The following RAG1 variants were observed in gnomAD, a reference collection of about 807,000 sequenced individuals.
The protein encoded by RAG1 is recombination activating 1.
RAG1 carries 35 observed loss-of-function variants against 62.7 expected under a neutral mutation model. The observed-to-expected ratio is 0.56, with a 90% CI of 0.43 to 0.74. The LOEUF is 0.74. Ranked by LOEUF, RAG1 falls within the 30% of genes least tolerant of loss-of-function variation. The pLI, the probability that RAG1 is intolerant of heterozygous loss-of-function variation, is 0.00. For synonymous variants in RAG1, 461 were observed against 470.3 expected (o/e 0.98, Z 0.26); for missense variants, 1,169 against 1,278.6 (o/e 0.91, Z 1.31).
intron 2 of RAG1, among the ~76,000 whole-genome samples, chr11:36,525,467 TG>T (rs1040629599): frequency 2.0e-5 from 3 of 152,192 alleles, no homozygotes; most frequent in African/African-American, 7.2e-5. Flanking sequence ...GTTAGATTTG[TG>T]TATTAATTTG....
chr11:36,560,306 G>T (rs1850564402), intron 3 of RAG1, among the ~76,000 whole-genome samples: 1 of 152,118 alleles, frequency 6.6e-6, no homozygotes, highest in Admixed American at 6.5e-5. Flanking sequence ...GGTAATGGGG[G>T]CATGCATGGC....
In RAG1 at chr11:36,516,524, G is replaced by A. The variant is rs186916588; in HGVS notation, n.331-3608G>A. Among the ~76,000 whole-genome samples, 84 of 152,260 alleles carry A rather than the reference G, an allele frequency of 5.5e-4. 1 individual carries two copies. The highest frequency in any genetic ancestry group is 1.9e-3 in the African/African-American group (78 of 41,560). On this transcript the variant is annotated intron_variant and non_coding_transcript_variant, in intron 1 of 2. Transcript: ENST00000529126. ...TTTTTAGTAGAGACGGAGTTTCACC[G>A]TGTTAGCCAGGATGGTCTCGATCTC... is the stretch of plus-strand genomic sequence containing the variant.
At chr11:36,524,207 G>A (rs1296641076) in intron 2 of RAG1, among the ~76,000 whole-genome samples, 1 of 151,962 alleles carries the variant, frequency 6.6e-6, no homozygotes, top group Non-Finnish European at 1.5e-5. Context: ...TGGAGGAGGG[G>A]GGAGGGATAG....
chr11:36,540,871 A>G (rs1021435669), downstream of RAG1, among the ~76,000 whole-genome samples: 5 of 152,164 alleles, frequency 3.3e-5, no homozygotes, highest in Non-Finnish European at 7.3e-5. Context: ...TGACTTCAAC[A>G]GTTCATTGGT....
At chr11:36,532,577 C>A (rs1181686449) in intron 2 of RAG1, among the ~76,000 whole-genome samples, 1 of 152,142 alleles carries the variant, frequency 6.6e-6, no homozygotes, top group Admixed American at 6.6e-5. Context: ...CCATGATTAA[C>A]CGTGGCCCAA....
Position 36,574,640 on chromosome 11 carries a change from A to T in RAG1, c.1336A>T (p.Asn446Tyr), listed in dbSNP as rs764600759. Reference protein sequence around the residue: ...TLFLLALRARNEHRQADELEA... With the variant: ...TLFLLALRARYEHRQADELEA... ...GTTCCTGCTGGCTCTGAGGGCGAGG[A>T]ATGAGCACAGGCAAGCTGATGAGCT... Residue 446 changes from asparagine (N) to tyrosine (Y), a missense_variant, in exon 2 of 2, where the codon AAT (asparagine) becomes TAT (tyrosine). Asn to Tyr is a moderately radical substitution (Grantham distance 143). Transcript: ENST00000299440. 3.1e-6 allele frequency: 5 copies of T among 1,614,060 alleles called. No homozygotes were observed. In the South Asian group the frequency reaches 5.5e-5, roughly 18 times the overall value.
intron 3 of RAG1, among the ~76,000 whole-genome samples, chr11:36,542,383 C>T (rs1430572611): frequency 1.3e-5 from 2 of 152,160 alleles, no homozygotes; most frequent in African/African-American, 4.8e-5. Flanking sequence ...TATTATCGAC[C>T]TCTATCTCCT....
At chr11:36,562,427 A>G (rs1850603254) in intron 3 of RAG1, among the ~76,000 whole-genome samples, 6 of 152,202 alleles carry the variant, frequency 3.9e-5, no homozygotes, top group Admixed American at 3.9e-4. Flanking sequence ...CAAATGAGAA[A>G]ATGGAGTCAG....
chr11:36,523,420 G>A (rs1860112131), intron 2 of RAG1, among the ~76,000 whole-genome samples: 2 of 152,144 alleles, frequency 1.3e-5, no homozygotes, highest in African/African-American at 4.8e-5. Flanking sequence ...CCATGATCAT[G>A]AGGCCTCCCC....
rs115959617 is a variant in RAG1, at chr11:36,520,601, A to T, written n.428+372A>T. 4.1e-3 allele frequency among the ~76,000 whole-genome samples: 631 copies of T among 152,310 alleles called. 2 individuals carry two copies. Among genetic ancestry groups the T allele is most frequent in the African/African-American group, 0.014 (593 of 41,540 alleles). On this transcript the variant is annotated intron_variant and non_coding_transcript_variant, in intron 2 of 2. Transcript: ENST00000529126. ...TGAAAAAGGCTATTCAAATGTAGTG[A>T]TAACATATATTTGAAAAAGGTTACA...
At chr11:36,540,661 C>T (rs185420947), downstream of RAG1, among the ~76,000 whole-genome samples, 1 of 152,304 alleles carries the variant, frequency 6.6e-6, no homozygotes. Flanking sequence ...CCTCCTTGGT[C>T]TCCCAAAGTG....
At chr11:36,564,895 G>A (rs969453306), upstream of RAG1, among the ~76,000 whole-genome samples, 2 of 152,168 alleles carry the variant, frequency 1.3e-5, no homozygotes, top group African/African-American at 4.8e-5. Flanking sequence ...TCTTGGATGG[G>A]TTAGGGAGGG....
chr11:36,551,766 C>A (rs1850489746), intron 3 of RAG1, among the ~76,000 whole-genome samples: 4 of 134,080 alleles, frequency 3.0e-5, no homozygotes, highest in African/African-American at 2.8e-5. Context: ...CCTCCCCTGA[C>A]CCCACCACAG....
chr11:36,565,667 A>G (rs1177878091), upstream of RAG1: 3 of 152,228 alleles, frequency 2.0e-5, no homozygotes, highest in African/African-American at 2.4e-5. Flanking sequence ...CTATTTCATG[A>G]TGCAAGTTAA....
At chr11:36,539,897 C>T (rs143070549), downstream of RAG1, among the ~76,000 whole-genome samples, 1,419 of 152,312 alleles carry the variant, frequency 9.3e-3, 68 homozygotes, top group Admixed American at 0.084. Flanking sequence ...TATGAATCTC[C>T]TCTGAAACAT....
chr11:36,520,074 G>C (rs1304519659), intron 1 of RAG1: 1 of 152,122 alleles, frequency 6.6e-6, no homozygotes, highest in Admixed American at 6.5e-5. Flanking sequence ...ACCAGGGCTT[G>C]AGGACCACTA....
At chr11:36,563,931 A>G (rs150102929), upstream of RAG1, among the ~76,000 whole-genome samples, 1 of 152,302 alleles carries the variant, frequency 6.6e-6, no homozygotes, top group Non-Finnish European at 1.5e-5. Context: ...AAACCTGTAT[A>G]TTAGCTCTGA....
At chr11:36,550,197 G>A (rs903398565) in intron 3 of RAG1, among the ~76,000 whole-genome samples, 1 of 152,094 alleles carries the variant, frequency 6.6e-6, no homozygotes, top group Non-Finnish European at 1.5e-5. Context: ...AACCACCATG[G>A]CAAGTGTATA....
chr11:36,522,118 TG>T lies in RAG1; in HGVS notation n.428+1890del, dbSNP rs368559905. On this transcript the variant is annotated intron_variant and non_coding_transcript_variant, in intron 2 of 2. Coordinates refer to the RAG1 transcript ENST00000529126. ...GAAATTTAAGCCAGCTGCAGAAATTTGCATAAGTAATGAAGAGCCGAATGTT... is the reference window on the plus strand; with the variant it reads ...GAAATTTAAGCCAGCTGCAGAAATTTCATAAGTAATGAAGAGCCGAATGTT... 7.9e-3 allele frequency among the ~76,000 whole-genome samples: 1,201 copies of T among 152,296 alleles called. 13 individuals carry two copies. Among genetic ancestry groups the T allele is most frequent in the African/African-American group, 0.028 (1,154 of 41,554 alleles).
Sources: gnomAD v4.1 joint callset for allele counts (sites outside exome capture counted in the v4.1 genomes callset) on GRCh38, gnomAD v4.1.1 for gene constraint, MANE v1.5 for transcripts, NCBI Gene and HGNC (gene_info 2026-07-23, HGNC 2026-07-21) for gene names.